The following ARHGAP22 variants were observed in gnomAD, a reference collection of about 807,000 sequenced individuals.
ARHGAP22 encodes Rho GTPase activating protein 22.
A neutral mutation model predicts 59.1 loss-of-function variants in ARHGAP22; 48 were observed. The ratio of observed to expected loss-of-function variants is 0.81; its 90% CI spans 0.64 to 1.03. The LOEUF (loss-of-function observed/expected upper bound fraction) is 1.03, where lower values mean the gene tolerates loss of function less well. ARHGAP22 is among the 50% of genes least tolerant of loss of function. ARHGAP22 has a pLI of 0.00. For synonymous variants in ARHGAP22, 445 were observed against 416.4 expected (o/e 1.07, Z -0.84); for missense variants, 1,015 against 958.7 (o/e 1.06, Z -0.78).
the ARHGAP22 span, chr10:48,435,022 G>A: frequency 1.1e-6 from 1 of 945,486 alleles, no homozygotes; most frequent in Middle Eastern, 2.5e-4. Flanking sequence ...CTGGGCTGCT[G>A]TAGATGACTA....
chr10:48,637,284 C>T (rs1368831419), intron 1 of ARHGAP22, among the ~76,000 whole-genome samples: 1 of 152,220 alleles, frequency 6.6e-6, no homozygotes. Flanking sequence ...CAATAGGTGT[C>T]ATTCATCACT....
chr10:48,577,536 G>A (rs561243540), intron 2 of ARHGAP22, among the ~76,000 whole-genome samples: 1 of 152,096 alleles, frequency 6.6e-6, no homozygotes, highest in Admixed American at 6.5e-5. Context: ...TTCCTTCCTG[G>A]GGGCTACTCC....
At chr10:48,591,962 G>A (rs1163701135) in intron 1 of ARHGAP22, among the ~76,000 whole-genome samples, 1 of 152,230 alleles carries the variant, frequency 6.6e-6, no homozygotes, top group Non-Finnish European at 1.5e-5. Context: ...CCTGCAGAGA[G>A]AACTACAAAT....
intron 2 of ARHGAP22, among the ~76,000 whole-genome samples, chr10:48,557,529 A>G (rs7350439): frequency 0.15 from 23,263 of 152,220 alleles, 1,876 homozygotes; most frequent in Admixed American, 0.23. Context: ...GACAGAGGTC[A>G]GGAAGGTGAT....
At chr10:48,512,466 G>A (rs940640059) in intron 3 of ARHGAP22, among the ~76,000 whole-genome samples, 12 of 152,356 alleles carry the variant, frequency 7.9e-5, no homozygotes, top group Admixed American at 3.3e-4. Flanking sequence ...AGGGCTTGAC[G>A]CATAATGTTT....
intron 2 of ARHGAP22, among the ~76,000 whole-genome samples, chr10:48,562,421 T>G (rs2057749372): frequency 6.6e-6 from 1 of 152,106 alleles, no homozygotes; most frequent in African/African-American, 2.4e-5. Flanking sequence ...ATAAGCAAAT[T>G]GAGGTACCTG....
chr10:48,450,701 C>G lies in ARHGAP22; in HGVS notation c.1428G>C (p.Ser476=). Residue 476 remains serine, a synonymous_variant, in exon 9 of 10, where the codon TCG becomes TCC. Transcript: ENST00000249601. ...AGCCCGAGTCCTTGAGCCGGTCTCC[C>G]GACGAGGCCCGGCGGTGTCCGCGCA... is the stretch of plus-strand genomic sequence containing the variant. ...SSLRGHRRAS[S]GDRLKDSGSV... is the part of the protein sequence containing the mutation. 1.3e-6 allele frequency: 2 copies of G among 1,552,534 alleles called. No individual in the cohort carries two copies. Among genetic ancestry groups the G allele is most frequent in the South Asian group, 2.4e-5 (2 of 84,142 alleles).
intron 3 of ARHGAP22, among the ~76,000 whole-genome samples, chr10:48,480,124 T>C (rs961821193): frequency 4.6e-5 from 7 of 152,216 alleles, no homozygotes; most frequent in African/African-American, 1.7e-4. Flanking sequence ...AAATCAATTT[T>C]GCCCATTTTA....
At chr10:48,645,620 C>T (rs1435406945) in intron 1 of ARHGAP22, among the ~76,000 whole-genome samples, 1 of 152,114 alleles carries the variant, frequency 6.6e-6, no homozygotes, top group Non-Finnish European at 1.5e-5. Context: ...AACAACAACT[C>T]TCAACAAACT....
chr10:48,451,534 C>A (rs750034056), intron 8 of ARHGAP22: 74 of 702,328 alleles, frequency 1.1e-4, no homozygotes, highest in Non-Finnish European at 1.8e-4. Flanking sequence ...CTCTGTGCTG[C>A]TGACAACTGC....
intron 3 of ARHGAP22, among the ~76,000 whole-genome samples, chr10:48,547,418 G>T (rs557847698): frequency 3.3e-5 from 5 of 152,236 alleles, no homozygotes; most frequent in Admixed American, 3.3e-4. Context: ...AGTTGGGGGG[G>T]AGGCCCCAAG....
chr10:48,613,848 A>T (rs1235955387), intron 1 of ARHGAP22, among the ~76,000 whole-genome samples: 1 of 152,210 alleles, frequency 6.6e-6, no homozygotes, highest in African/African-American at 2.4e-5. Context: ...TTAAGATGTG[A>T]GTCTTTAAAG....
At chr10:48,491,264 A>G (rs1010953067) in intron 3 of ARHGAP22, among the ~76,000 whole-genome samples, 1 of 152,104 alleles carries the variant, frequency 6.6e-6, no homozygotes, top group Non-Finnish European at 1.5e-5. Flanking sequence ...CACACCCGGC[A>G]TGCTCCTGCT....
At chr10:48,553,786 A>G (rs1320017419) in intron 3 of ARHGAP22, among the ~76,000 whole-genome samples, 2 of 152,226 alleles carry the variant, frequency 1.3e-5, no homozygotes, top group African/African-American at 4.8e-5. Flanking sequence ...GCTCTGACCC[A>G]GATAATGAAC....
At chr10:48,502,038 G>T (rs1048875105) in intron 3 of ARHGAP22, among the ~76,000 whole-genome samples, 1 of 152,204 alleles carries the variant, frequency 6.6e-6, no homozygotes, top group Non-Finnish European at 1.5e-5. Flanking sequence ...TGCTGAGAGA[G>T]TCAGGAACTT....
chr10:48,464,483 A>G (rs997820696), intron 4 of ARHGAP22, among the ~76,000 whole-genome samples: 5 of 152,234 alleles, frequency 3.3e-5, no homozygotes, highest in Non-Finnish European at 5.9e-5. Context: ...GCTGAAGCCA[A>G]CGTCTAAAGA....
chr10:48,610,630 GT>G (rs935228849), intron 1 of ARHGAP22, among the ~76,000 whole-genome samples: 1 of 152,150 alleles, frequency 6.6e-6, no homozygotes, highest in South Asian at 2.1e-4. Flanking sequence ...TGAGGTAAGA[GT>G]TTTTTTAGGG....
At chr10:48,530,938 A>G (rs1377312261) in intron 3 of ARHGAP22, among the ~76,000 whole-genome samples, 1 of 152,354 alleles carries the variant, frequency 6.6e-6, no homozygotes, top group African/African-American at 2.4e-5. Flanking sequence ...CCCAGAGGAA[A>G]GTAAGTCATT....
upstream of ARHGAP22, among the ~76,000 whole-genome samples, chr10:48,609,317 G>T (rs1483141874): frequency 6.6e-6 from 1 of 152,186 alleles, no homozygotes; most frequent in Non-Finnish European, 1.5e-5. Flanking sequence ...AGGTGTGACT[G>T]CATCCTGGCC....
Sources: gnomAD v4.1 joint callset for allele counts (sites outside exome capture counted in the v4.1 genomes callset) on GRCh38, gnomAD v4.1.1 for gene constraint, MANE v1.5 for transcripts, NCBI Gene and HGNC (gene_info 2026-07-23, HGNC 2026-07-21) for gene names.